THOC2: variants seen among roughly 807,000 people sequenced by gnomAD.
The protein encoded by THOC2 is THO complex subunit 2.
A neutral mutation model predicts 128.4 loss-of-function variants in THOC2; 10 were observed. The ratio of observed to expected loss-of-function variants is 0.08; its 90% confidence interval spans 0.05 to 0.13. The LOEUF is 0.13. Ranked by LOEUF, THOC2 falls within the 10% of genes least tolerant of loss-of-function variation. THOC2 has a pLI of 1.00. For missense variants in THOC2, 535 were observed against 1,155.7 expected (o/e 0.46, Z 7.79); for synonymous variants, 393 against 396.9 (o/e 0.99, Z 0.12).
intron 1 of THOC2, among the ~76,000 whole-genome samples, chrX:123,726,361 G>A (rs1325164276): frequency 9.1e-6 from 1 of 110,053 alleles, no homozygotes; most frequent in African/African-American, 3.3e-5. Context: ...AAGAAAAAGA[G>A]GAAAGGAAAA....
chrX:123,625,986 A>G lies in THOC2; in HGVS notation c.2983T>C (p.Tyr995His), dbSNP rs1481091609. ...ACCAATTCAACAAAACGAGCACAGT[A>G]AACAGCATCAATTGCTGAAAAAATA... ...RCIFSAIDAV[Y>H]CARFVELVHQ... Residue 995 changes from tyrosine (Y) to histidine (H), a missense_variant, in exon 25 of 39, where the codon TAC (tyrosine) becomes CAC (histidine). Tyr to His is a moderately conservative substitution (Grantham distance 83). This residue lies in a region of THOC2 where 90 missense variants were observed against 298.6 expected (regional missense o/e 0.30). Transcript: ENST00000245838. 8.3e-7 allele frequency: 1 copy of G among 1,205,923 alleles called. No individual in the cohort carries two copies. The highest frequency in any genetic ancestry group is 3.0e-5 in the East Asian group (1 of 33,759).
chrX:123,624,303 T>C, intron 26 of THOC2, 112 bp from the exon 27 acceptor site: 2 of 790,768 alleles, frequency 2.5e-6, no homozygotes, highest in South Asian at 3.3e-5. Context: ...ATCATGCGTA[T>C]TTGGATAGGT....
Position 123,643,910 on chromosome X carries a change from T to C in THOC2, c.1661+665A>G, listed in dbSNP as rs759412225. On this transcript the variant is annotated intron_variant, in intron 15 of 38. Coordinates refer to ENST00000245838, the MANE Select transcript of THOC2 (RefSeq NM_001081550.2). ...AATTAGAATAACCATACCACTGCCA[T>C]GAATTTAAAAAAGGAATGACAACTG... Among the ~76,000 whole-genome samples, 3 of 111,685 alleles carry C rather than the reference T, an allele frequency of 2.7e-5. No homozygotes were observed. The South Asian group carries it at 1.1e-3, about 41-fold the overall frequency.
chrX:123,717,764 T>G (rs1016433692), intron 1 of THOC2, among the ~76,000 whole-genome samples: 1 of 111,106 alleles, frequency 9.0e-6, no homozygotes, highest in Non-Finnish European at 1.9e-5. Context: ...ATCACACTAT[T>G]TGACTTCAAG....
chrX:123,666,633 G>A lies in THOC2; in HGVS notation c.1190+473C>T, dbSNP rs138395201. ...AGGACTAGATGACATAGTAACTGGG[G>A]ATGATAAGAGAGGCTAAACTACTAA... On this transcript the variant is annotated intron_variant, in intron 11 of 38. Transcript: ENST00000245838. Among the ~76,000 whole-genome samples, 101 of 111,885 alleles carry A rather than the reference G, an allele frequency of 9.0e-4. No individual in the cohort carries two copies. In the East Asian group the frequency reaches 0.026, roughly 29 times the overall value.
Position 123,640,640 on chromosome X carries a change from G to C in THOC2, c.1662-18C>G. ...TTAGGCGCCTACGGAGGAAGAAAAA[G>C]GTGGCACGGATCATCTTAAGTAACA... On this transcript the variant is annotated intron_variant, in intron 15 of 38. Transcript: ENST00000245838. 1.0e-6 allele frequency: 1 copy of C among 1,000,807 alleles called. No individual in the cohort carries two copies. Among genetic ancestry groups the C allele is most frequent in the Non-Finnish European group, 1.4e-6 (1 of 723,788 alleles). 82.5% of individuals were successfully genotyped at this position (1,000,807 alleles called of 1,213,427 possible).
chrX:123,638,463 A>T, intron 17 of THOC2, among the ~76,000 whole-genome samples: 1 of 111,051 alleles, frequency 9.0e-6, no homozygotes, highest in African/African-American at 3.3e-5. Context: ...ATTCAAGATC[A>T]CCCTGGCCAA....
At chrX:123,726,842 A>C (rs1232247131) in intron 1 of THOC2, among the ~76,000 whole-genome samples, 1 of 112,228 alleles carries the variant, frequency 8.9e-6, no homozygotes, top group Admixed American at 9.5e-5. Flanking sequence ...GGAACCATTG[A>C]AAGGTTATTA....
chrX:123,635,765 G>C (rs1272285505), intron 19 of THOC2, among the ~76,000 whole-genome samples: 1 of 111,499 alleles, frequency 9.0e-6, no homozygotes, highest in African/African-American at 3.3e-5. Flanking sequence ...AGTATGTTTT[G>C]TTATACGAAG....
intron 1 of THOC2, among the ~76,000 whole-genome samples, chrX:123,714,847 T>G (rs930761348): frequency 9.0e-6 from 1 of 111,085 alleles, no homozygotes; most frequent in African/African-American, 3.3e-5. Flanking sequence ...AACTGGAAAG[T>G]TCACAATTAT....
chrX:123,703,215 C>T (rs1167633496), intron 4 of THOC2, among the ~76,000 whole-genome samples: 1 of 111,711 alleles, frequency 9.0e-6, no homozygotes, highest in Non-Finnish European at 1.9e-5. Context: ...CTTAATTTAG[C>T]TCAAATTTAT....
intron 8 of THOC2, among the ~76,000 whole-genome samples, chrX:123,673,264 G>A (rs1258593007): frequency 2.7e-5 from 3 of 111,878 alleles, no homozygotes; most frequent in Admixed American, 9.4e-5. Flanking sequence ...ACTTCAGCCC[G>A]GGAGGCGGAG....
At chrX:123,718,216 T>C (rs1366542600) in intron 1 of THOC2, among the ~76,000 whole-genome samples, 8 of 112,352 alleles carry the variant, frequency 7.1e-5, no homozygotes, top group South Asian at 3.7e-4. Context: ...CAATAAAGAA[T>C]GTTGGGAAAA....
chrX:123,644,936 C>A, intron 13 of THOC2, 27 bp from the exon 14 acceptor site: 1 of 1,145,179 alleles, frequency 8.7e-7, no homozygotes, highest in South Asian at 2.0e-5. Flanking sequence ...AAAGTTATTT[C>A]AGTAAGAGGT....
intron 12 of THOC2, among the ~76,000 whole-genome samples, chrX:123,656,352 AAG>A (rs1161132096): frequency 4.8e-4 from 48 of 100,112 alleles, no homozygotes; most frequent in Non-Finnish European, 6.6e-4. Flanking sequence ...AAAAAAAAAA[AAG>A]AGAGAGAGAG....
chrX:123,615,447 A>G (rs1302295859), intron 33 of THOC2, among the ~76,000 whole-genome samples: 1 of 111,126 alleles, frequency 9.0e-6, no homozygotes, highest in African/African-American at 3.3e-5. Context: ...AATAAAGAGC[A>G]AGAGAACGAT....
chrX:123,607,659 T>G lies in THOC2; in HGVS notation c.*18+3259A>C, dbSNP rs181443514. Among the ~76,000 whole-genome samples, 31 of 109,524 alleles carry G rather than the reference T, an allele frequency of 2.8e-4. No individual in the cohort carries two copies. In the East Asian group the frequency reaches 8.8e-3, roughly 31 times the overall value. ...ATGTTTGTGAAAATCAGGATGATAC[T>G]TACAAATCACTGTCATTTCTCTACC... is the stretch of plus-strand genomic sequence containing the variant. On this transcript the variant is annotated intron_variant, in intron 38 of 38. Transcript: ENST00000245838.
At chrX:123,688,569 A>G (rs754892572) in intron 7 of THOC2, among the ~76,000 whole-genome samples, 2 of 110,774 alleles carry the variant, frequency 1.8e-5, no homozygotes, top group East Asian at 5.7e-4. Flanking sequence ...TGTCACTACA[A>G]AAAATTAGCC....
intron 4 of THOC2, among the ~76,000 whole-genome samples, chrX:123,703,121 G>A (rs1344887949): frequency 8.9e-6 from 1 of 111,809 alleles, no homozygotes; most frequent in Non-Finnish European, 1.9e-5. Flanking sequence ...CTGAGATTCT[G>A]ACATCATTCA....
Sources: allele counts gnomAD v4.1 joint callset (sites outside exome capture counted in the v4.1 genomes callset), GRCh38; gene constraint gnomAD v4.1.1; regional missense constraint gnomAD v4.1.1; transcripts MANE v1.5; gene names NCBI Gene and HGNC (gene_info 2026-07-23, HGNC 2026-07-21).